Variants in LRMDA observed in about 807,000 individuals in gnomAD.
The protein encoded by LRMDA is leucine-rich melanocyte differentiation-associated protein.
In LRMDA, 18 loss-of-function variants were observed where a neutral mutation model predicts 29.8. That is an observed-to-expected ratio of 0.60 (90% CI 0.42 to 0.90). LRMDA has a LOEUF of 0.90. Among genes scored for constraint, LRMDA ranks in the 40% least tolerant of loss-of-function variants. LRMDA has a pLI of 0.00. For missense variants in LRMDA, 273 were observed against 273.9 expected (o/e 1.00, Z 0.02); for synonymous variants, 125 against 109.4 (o/e 1.14, Z -0.89).
At chr10:75,625,100 A>G (rs1020557105) in intron 2 of LRMDA, among the ~76,000 whole-genome samples, 1 of 152,322 alleles carries the variant, frequency 6.6e-6, no homozygotes, top group East Asian at 1.9e-4. Flanking sequence ...CTTTGCAGAC[A>G]CCAGCCACTC....
chr10:75,875,976 G>A (rs551094778), intron 2 of LRMDA, among the ~76,000 whole-genome samples: 4 of 152,240 alleles, frequency 2.6e-5, no homozygotes. Context: ...CTGGTGGCAA[G>A]ACATGCGGAC....
chr10:76,326,093 T>C (rs745319225), intron 6 of LRMDA, among the ~76,000 whole-genome samples: 44 of 152,182 alleles, frequency 2.9e-4, no homozygotes, highest in Non-Finnish European at 3.8e-4. Flanking sequence ...AACATGTTGG[T>C]TGCCTGACCA....
rs184646008 is a variant in LRMDA at position 76,499,745 on chromosome 10, G to A, written c.602-57464G>A. Among the ~76,000 whole-genome samples, 71 of 74,628 alleles carry A rather than the reference G, an allele frequency of 9.5e-4. 19 individuals are homozygous for A. The East Asian group carries it at 0.018, about 19-fold the overall frequency. 49.0% of individuals were successfully genotyped at this position (74,628 alleles called of 152,430 possible). A position where few individuals can be genotyped will look rare whatever the true frequency, so the allele number is the denominator to read the frequency against. ...GTACTAACATTCTTTTTCTAGCACA[G>A]GATCCAACCCAGGATCACATATTGC... is the stretch of plus-strand genomic sequence containing the variant. On this transcript the variant is annotated intron_variant, in intron 6 of 6. Transcript: ENST00000611255.
chr10:75,684,610 C>T (rs1187490510), intron 2 of LRMDA, among the ~76,000 whole-genome samples: 1 of 152,222 alleles, frequency 6.6e-6, no homozygotes, highest in Non-Finnish European at 1.5e-5. Context: ...GACTCCCTTC[C>T]AGCCTGCCAT....
intron 2 of LRMDA, among the ~76,000 whole-genome samples, chr10:75,896,283 C>T (rs140485523): frequency 1.6e-3 from 240 of 152,310 alleles, no homozygotes; most frequent in African/African-American, 5.5e-3. Context: ...GGGTAATTCA[C>T]TTAACCAATT....
chr10:76,340,936 C>T (rs1841034401), intron 6 of LRMDA, among the ~76,000 whole-genome samples: 1 of 151,896 alleles, frequency 6.6e-6, no homozygotes, highest in East Asian at 1.9e-4. Context: ...TCAGTTTTGC[C>T]CTAATAACAT....
intron 2 of LRMDA, among the ~76,000 whole-genome samples, chr10:75,769,890 C>T (rs571223572): frequency 1.2e-4 from 19 of 152,042 alleles, no homozygotes; most frequent in Admixed American, 3.9e-4. Flanking sequence ...AGCTGAGGCA[C>T]GAGAATGGCT....
At chr10:75,808,349 G>A (rs1002351146) in intron 2 of LRMDA, among the ~76,000 whole-genome samples, 7 of 152,182 alleles carry the variant, frequency 4.6e-5, no homozygotes, top group Non-Finnish European at 7.4e-5. Context: ...AGGGCAGGGC[G>A]TGCGTCTCGT....
chr10:75,850,222 T>C (rs539949729), intron 2 of LRMDA, among the ~76,000 whole-genome samples: 13 of 152,354 alleles, frequency 8.5e-5, no homozygotes, highest in African/African-American at 2.9e-4. Context: ...GGTCTCTCAA[T>C]TGGGAATAAA....
At chr10:75,723,603 C>T (rs971189287) in intron 2 of LRMDA, among the ~76,000 whole-genome samples, 2 of 152,068 alleles carry the variant, frequency 1.3e-5, no homozygotes, top group African/African-American at 4.8e-5. Flanking sequence ...TATTTTGGGG[C>T]TCAGGAAATA....
intron 2 of LRMDA, among the ~76,000 whole-genome samples, chr10:75,667,112 A>G (rs1033378349): frequency 8.5e-5 from 13 of 152,180 alleles, no homozygotes; most frequent in African/African-American, 2.9e-4. Context: ...ATATTGAAAT[A>G]CAACTTTCAT....
intron 2 of LRMDA, among the ~76,000 whole-genome samples, chr10:75,472,202 C>T (rs1844735467): frequency 6.6e-6 from 1 of 152,148 alleles, no homozygotes; most frequent in South Asian, 2.1e-4. Flanking sequence ...TTGATTTCTC[C>T]TTGCCCCAAA....
chr10:75,953,509 A>G (rs564769807), intron 2 of LRMDA, among the ~76,000 whole-genome samples: 14 of 152,254 alleles, frequency 9.2e-5, no homozygotes, highest in African/African-American at 3.1e-4. Flanking sequence ...CACTGCTGCT[A>G]GTAATTTAGT....
At chr10:75,731,478 G>A (rs1341384579) in intron 2 of LRMDA, among the ~76,000 whole-genome samples, 1 of 152,138 alleles carries the variant, frequency 6.6e-6, no homozygotes, top group Non-Finnish European at 1.5e-5. Context: ...ATCACTATAT[G>A]CCCAGTGCTT....
chr10:76,441,199 A>G (rs1257865073), intron 6 of LRMDA, among the ~76,000 whole-genome samples: 2 of 152,094 alleles, frequency 1.3e-5, no homozygotes, highest in Non-Finnish European at 2.9e-5. Context: ...TTTCTCTCTG[A>G]CTTAAGATTT....
In LRMDA at chr10:76,478,476, G is replaced by T. The variant is rs922727043; in HGVS notation, c.602-78733G>T. Among the ~76,000 whole-genome samples the T allele has an allele frequency of 9.9e-5, 15 of 152,284 alleles. No individual in the cohort carries two copies. The South Asian group carries it at 1.5e-3, about 15-fold the overall frequency. On this transcript the variant is annotated intron_variant, in intron 6 of 6. Transcript: ENST00000611255. Reference sequence around the variant, plus strand: ...ACTGTAAACTAGTTCAACCATTGTGGAAGTCAGTGTGGCAATTCCTCAGGG... The same window carrying T: ...ACTGTAAACTAGTTCAACCATTGTGTAAGTCAGTGTGGCAATTCCTCAGGG...
intron 5 of LRMDA, among the ~76,000 whole-genome samples, chr10:76,267,224 A>G (rs558599855): frequency 1.3e-5 from 2 of 152,148 alleles, no homozygotes; most frequent in Admixed American, 1.3e-4. Flanking sequence ...TTAAACAGCT[A>G]TTTTGAGGTA....
At chr10:75,818,601 C>T (rs1589217185) in intron 2 of LRMDA, among the ~76,000 whole-genome samples, 1 of 152,358 alleles carries the variant, frequency 6.6e-6, no homozygotes, top group South Asian at 2.1e-4. Flanking sequence ...CTACCTTCAA[C>T]ATCCCTGCCC....
At chr10:75,895,179 T>C (rs901018137) in intron 2 of LRMDA, among the ~76,000 whole-genome samples, 1 of 152,164 alleles carries the variant, frequency 6.6e-6, no homozygotes, top group Non-Finnish European at 1.5e-5. Context: ...ACTTTATTCA[T>C]TGGATGATGG....
Sources: gnomAD v4.1 joint callset for allele counts (sites outside exome capture counted in the v4.1 genomes callset) on GRCh38, gnomAD v4.1.1 for gene constraint, MANE v1.5 for transcripts, NCBI Gene and HGNC (gene_info 2026-07-23, HGNC 2026-07-21) for gene names.